The following KAZN variants were observed in gnomAD, a reference collection of about 807,000 sequenced individuals.
KAZN encodes the protein kazrin, periplakin interacting protein.
KAZN carries 40 observed loss-of-function variants against 87.4 expected under a neutral mutation model. The ratio of observed to expected loss-of-function variants is 0.46; its 90% CI spans 0.36 to 0.60. The LOEUF (loss-of-function observed/expected upper bound fraction) is 0.60, where lower values mean the gene tolerates loss of function less well. KAZN is among the 20% of genes least tolerant of loss of function. KAZN has a pLI of 0.00. For synonymous variants in KAZN, 466 were observed against 458.3 expected (o/e 1.02, Z -0.22); for missense variants, 898 against 1,073.9 (o/e 0.84, Z 2.29).
chr1:14,837,814 C>G (rs1363787967), intron 1 of KAZN, among the ~76,000 whole-genome samples: 1 of 152,052 alleles, frequency 6.6e-6, no homozygotes, highest in East Asian at 1.9e-4. Context: ...CTCAGCCTCT[C>G]AAAGTGCTGG....
At position 14,184,423 on chromosome 1, in the gene KAZN, C is replaced by T. The variant is rs998460947; in HGVS notation, c.249+3831C>T. Among the ~76,000 whole-genome samples the T allele has an allele frequency of 4.1e-4, 63 of 152,218 alleles. 1 individual carries two copies. The highest frequency in any genetic ancestry group is 4.6e-4 in the Non-Finnish European group (31 of 68,022). On this transcript the variant is annotated intron_variant, in intron 2 of 16. Coordinates refer to the KAZN transcript ENST00000636203. The surrounding 1 kb of genome is among the most constrained non-coding windows in gnomAD (Gnocchi z 4.2). ...CTCTTCCTTCCCTTTCCTGTTCTTT[C>T]CTTGTCTGTCTTTCTTTCTGTTATT...
intron 2 of KAZN, among the ~76,000 whole-genome samples, chr1:14,355,760 T>G (rs1658968531): frequency 6.6e-6 from 1 of 152,236 alleles, no homozygotes; most frequent in African/African-American, 2.4e-5. Flanking sequence ...TGACATGAAC[T>G]CATCCTTTTT....
intron 1 of KAZN, among the ~76,000 whole-genome samples, chr1:13,921,428 A>G (rs1640064539): frequency 6.6e-6 from 1 of 152,208 alleles, no homozygotes; most frequent in Non-Finnish European, 1.5e-5. Context: ...CTGTGTTTCA[A>G]TACAACTTTA....
chr1:14,880,261 TAACCC>T (rs1193223193), intron 1 of KAZN, among the ~76,000 whole-genome samples: 1 of 152,118 alleles, frequency 6.6e-6, no homozygotes, highest in Non-Finnish European at 1.5e-5. Context: ...GTGCCTGCAA[TAACCC>T]TCTGAGACAG....
chr1:14,027,956 C>T (rs1641153093), intron 1 of KAZN, among the ~76,000 whole-genome samples: 1 of 152,136 alleles, frequency 6.6e-6, no homozygotes, highest in African/African-American at 2.4e-5. Flanking sequence ...AATGAGCCAA[C>T]TTTTGCCTTT....
At chr1:14,649,525 C>T (rs1293693789) in intron 1 of KAZN, among the ~76,000 whole-genome samples, 1 of 151,668 alleles carries the variant, frequency 6.6e-6, no homozygotes, top group Non-Finnish European at 1.5e-5. Context: ...TCACATTTTA[C>T]TCATTACAGT....
chr1:14,265,349 G>A (rs1182173743), intron 2 of KAZN, among the ~76,000 whole-genome samples: 2 of 152,154 alleles, frequency 1.3e-5, no homozygotes, highest in Non-Finnish European at 2.9e-5. Flanking sequence ...TATGGAAAAG[G>A]CACCAAGATT....
chr1:14,759,822 G>C (rs938034778), intron 1 of KAZN, among the ~76,000 whole-genome samples: 1 of 152,102 alleles, frequency 6.6e-6, no homozygotes, highest in South Asian at 2.1e-4. Context: ...ATACCGTCCA[G>C]ATCCTCTTAG....
intron 1 of KAZN, among the ~76,000 whole-genome samples, chr1:14,734,072 C>T (rs1301400763): frequency 6.6e-6 from 1 of 152,202 alleles, no homozygotes; most frequent in African/African-American, 2.4e-5. Flanking sequence ...CAGTGGGAAT[C>T]ACAGTCCAAG....
intron 2 of KAZN, among the ~76,000 whole-genome samples, chr1:14,257,858 G>T (rs1419619577): frequency 2.1e-5 from 3 of 145,648 alleles, no homozygotes; most frequent in Middle Eastern, 7.0e-3. Context: ...ACACGTTAGT[G>T]GGTGCAGCGC....
chr1:14,410,153 G>A (rs760041941), intron 2 of KAZN, among the ~76,000 whole-genome samples: 1 of 152,218 alleles, frequency 6.6e-6, no homozygotes, highest in Non-Finnish European at 1.5e-5. Flanking sequence ...ACCAGAGCTG[G>A]AGTGCAGCAG....
At chr1:14,418,024 AAAAAAAAAAAAAAAAAAAAAC>A in intron 2 of KAZN, among the ~76,000 whole-genome samples, 1 of 125,304 alleles carries the variant, frequency 8.0e-6, no homozygotes, top group African/African-American at 2.9e-5. Context: ...AAAAAAAAAA[AAAAAAAAAAAAAAAAAAAAAC>A]CTACATCGAA....
intron 1 of KAZN, among the ~76,000 whole-genome samples, chr1:14,907,074 C>G (rs113100999): frequency 0.018 from 2,689 of 151,638 alleles, 75 homozygotes; most frequent in African/African-American, 0.06. Flanking sequence ...ATTAGAAGTG[C>G]AAGTGCACTT....
chr1:14,490,571 C>G (rs988467865), intron 2 of KAZN, among the ~76,000 whole-genome samples: 13 of 152,270 alleles, frequency 8.5e-5, no homozygotes, highest in African/African-American at 3.1e-4. Context: ...CGGCTCACTG[C>G]AACCTCCGCT....
At chr1:14,507,431 A>G (rs1208679593) in intron 2 of KAZN, among the ~76,000 whole-genome samples, 1 of 152,180 alleles carries the variant, frequency 6.6e-6, no homozygotes, top group East Asian at 1.9e-4. Flanking sequence ...ATAAACATAA[A>G]CATTAGTTTC....
intron 3 of KAZN, among the ~76,000 whole-genome samples, chr1:15,043,185 G>A (rs898709805): frequency 6.6e-6 from 1 of 152,226 alleles, no homozygotes; most frequent in Non-Finnish European, 1.5e-5. Context: ...ACCCTGTGGA[G>A]TGGTGGCCGG....
intron 1 of KAZN, among the ~76,000 whole-genome samples, chr1:13,940,225 A>G (rs1640879087): frequency 6.6e-6 from 1 of 152,044 alleles, no homozygotes; most frequent in Non-Finnish European, 1.5e-5. Flanking sequence ...TCTTCCTTGC[A>G]CATCTGATAG....
chr1:14,278,615 T>C (rs943620055), intron 2 of KAZN, among the ~76,000 whole-genome samples: 5 of 152,168 alleles, frequency 3.3e-5, no homozygotes, highest in African/African-American at 1.2e-4. Flanking sequence ...ATTAAATATC[T>C]AGTCACTGCT....
At chr1:14,028,936 T>C (rs865862536) in intron 1 of KAZN, among the ~76,000 whole-genome samples, 1 of 152,194 alleles carries the variant, frequency 6.6e-6, no homozygotes, top group African/African-American at 2.4e-5. Flanking sequence ...ATAAACATAC[T>C]TGTGCATGTG....
Sources: allele counts gnomAD v4.1 joint callset (sites outside exome capture counted in the v4.1 genomes callset), GRCh38; gene constraint gnomAD v4.1.1; non-coding constraint Gnocchi (gnomAD v3.1); transcripts MANE v1.5; gene names NCBI Gene and HGNC (gene_info 2026-07-23, HGNC 2026-07-21).